Variants in B3GALT1 observed in about 807,000 individuals in gnomAD.
B3GALT1 encodes beta-1,3-galactosyltransferase 1.
A neutral mutation model predicts 23.2 loss-of-function variants in B3GALT1; 10 were observed. That is an observed-to-expected ratio of 0.43 (90% CI 0.27 to 0.73). The LOEUF (loss-of-function observed/expected upper bound fraction) is 0.73. Among genes scored for constraint, B3GALT1 ranks in the 30% least tolerant of loss-of-function variants. B3GALT1 has a pLI of 0.21. For synonymous variants in B3GALT1, 156 were observed against 141.5 expected (o/e 1.10, Z -0.73); for missense variants, 299 against 405.4 (o/e 0.74, Z 2.25).
At chr2:167,637,363 T>A (rs77415949) in intron 2 of B3GALT1, among the ~76,000 whole-genome samples, 2 of 151,736 alleles carry the variant, frequency 1.3e-5, no homozygotes, top group Non-Finnish European at 2.9e-5. Flanking sequence ...CCTCTACCTG[T>A]TTTTTTTGTT....
intron 3 of B3GALT1, among the ~76,000 whole-genome samples, chr2:167,726,277 C>T (rs1034471470): frequency 8.5e-5 from 13 of 152,128 alleles, no homozygotes; most frequent in African/African-American, 2.9e-4. Context: ...TTTTCAAGCC[C>T]AGAGGCCTTA....
intron 2 of B3GALT1, among the ~76,000 whole-genome samples, chr2:167,559,334 G>A (rs1218096983): frequency 6.6e-6 from 1 of 152,066 alleles, no homozygotes; most frequent in African/African-American, 2.4e-5. Flanking sequence ...ACCAAAAGTA[G>A]ATAAAACCAC....
chr2:167,329,810 T>A (rs1247162017), intron 1 of B3GALT1, among the ~76,000 whole-genome samples: 1 of 11,278 alleles, frequency 8.9e-5, no homozygotes, highest in Non-Finnish European at 1.0e-3. Flanking sequence ...AGTTTTTGTT[T>A]TGTTTTTTTT....
chr2:167,568,651 G>A (rs1158224094), intron 2 of B3GALT1, among the ~76,000 whole-genome samples: 1 of 151,884 alleles, frequency 6.6e-6, no homozygotes, highest in Admixed American at 6.6e-5. Flanking sequence ...TGCATCTTCT[G>A]CAAATATTTT....
intron 1 of B3GALT1, among the ~76,000 whole-genome samples, chr2:167,378,983 AT>A (rs1160346885): frequency 3.9e-5 from 6 of 152,152 alleles, no homozygotes; most frequent in Non-Finnish European, 8.8e-5. Flanking sequence ...TGTAGACAGG[AT>A]TTTTTTCTTT....
intron 3 of B3GALT1, among the ~76,000 whole-genome samples, chr2:167,804,683 T>C (rs1252007898): frequency 6.6e-6 from 1 of 152,216 alleles, no homozygotes; most frequent in African/African-American, 2.4e-5. Flanking sequence ...TGCATACTAT[T>C]CCATGGTGTA....
rs1387776634 is a variant in B3GALT1 at position 167,428,632 on chromosome 2, C to T, written c.-510-61545C>T. On this transcript the variant is annotated intron_variant, in intron 1 of 4. Transcript: ENST00000392690. Reference sequence around the variant, plus strand: ...GGAGGAGGTTGCAGTGAGCTGAGATCGCCCCACTACACTCTAGCCTGGGTG... The same window carrying T: ...GGAGGAGGTTGCAGTGAGCTGAGATTGCCCCACTACACTCTAGCCTGGGTG... 3.3e-5 allele frequency among the ~76,000 whole-genome samples: 5 copies of T among 151,766 alleles called. No homozygotes were observed. The East Asian group carries it at 7.8e-4, about 24-fold the overall frequency.
chr2:167,668,630 A>C (rs1299454960), intron 3 of B3GALT1, among the ~76,000 whole-genome samples: 2 of 152,306 alleles, frequency 1.3e-5, no homozygotes, highest in African/African-American at 4.8e-5. Context: ...CCTCCAAGCC[A>C]TGTGGGGGAT....
At chr2:167,848,852 C>CTCCTCCAGAA (rs1476633480) in intron 4 of B3GALT1, among the ~76,000 whole-genome samples, 1 of 152,182 alleles carries the variant, frequency 6.6e-6, no homozygotes, top group African/African-American at 2.4e-5. Context: ...ACCCTAACGA[C>CTCCTCCAGAA]TCCTCCAGAA....
intron 3 of B3GALT1, among the ~76,000 whole-genome samples, chr2:167,672,325 A>G (rs779849955): frequency 1.3e-5 from 2 of 152,158 alleles, no homozygotes; most frequent in African/African-American, 2.4e-5. Context: ...TCAATTTACT[A>G]AAAACATTTC....
intron 1 of B3GALT1, among the ~76,000 whole-genome samples, chr2:167,410,485 C>A: frequency 2.3e-5 from 1 of 43,000 alleles, no homozygotes; most frequent in African/African-American, 6.6e-5. Context: ...AGCGAGACTC[C>A]ATCTCAAAAA....
At chr2:167,764,602 G>A (rs908012544) in intron 3 of B3GALT1, among the ~76,000 whole-genome samples, 2 of 152,128 alleles carry the variant, frequency 1.3e-5, no homozygotes, top group Non-Finnish European at 2.9e-5. Context: ...CACATTTTGA[G>A]AGTTTAATAA....
chr2:167,513,752 C>T (rs543751067), intron 2 of B3GALT1, among the ~76,000 whole-genome samples: 4 of 151,416 alleles, frequency 2.6e-5, no homozygotes, highest in African/African-American at 9.7e-5. Flanking sequence ...TTGAAAACAC[C>T]CATCATAAAA....
intron 1 of B3GALT1, among the ~76,000 whole-genome samples, chr2:167,405,445 T>C (rs1377374532): frequency 1.3e-5 from 2 of 152,144 alleles, no homozygotes; most frequent in African/African-American, 2.4e-5. Context: ...ATTCTTCTTA[T>C]AGAAATCTTT....
intron 1 of B3GALT1, among the ~76,000 whole-genome samples, chr2:167,331,906 C>A (rs571435106): frequency 6.6e-6 from 1 of 152,150 alleles, no homozygotes; most frequent in South Asian, 2.1e-4. Context: ...TCTGCAGTTG[C>A]GGTGGTTGTA....
intron 1 of B3GALT1, among the ~76,000 whole-genome samples, chr2:167,485,689 A>G (rs560142570): frequency 9.8e-5 from 15 of 152,308 alleles, no homozygotes; most frequent in Non-Finnish European, 1.9e-4. Flanking sequence ...AGCTAAATAT[A>G]TGCTTTTGAA....
chr2:167,726,865 A>C (rs1574233198), intron 3 of B3GALT1, among the ~76,000 whole-genome samples: 1 of 152,352 alleles, frequency 6.6e-6, no homozygotes, highest in Non-Finnish European at 1.5e-5. Context: ...AACATTTGGC[A>C]TCTGGCCTTT....
At chr2:167,713,827 T>C (rs546009677) in intron 3 of B3GALT1, 2 of 1,592,836 alleles carry the variant, frequency 1.3e-6, no homozygotes, top group Admixed American at 1.7e-5. Flanking sequence ...TCATTGCAAA[T>C]GGAGCATGTG....
At chr2:167,393,644 C>T (rs1165015349) in intron 1 of B3GALT1, among the ~76,000 whole-genome samples, 1 of 151,294 alleles carries the variant, frequency 6.6e-6, no homozygotes, top group Non-Finnish European at 1.5e-5. Flanking sequence ...AGGGTTTATT[C>T]TCAGTAAAGA....
Sources: allele counts gnomAD v4.1 joint callset (sites outside exome capture counted in the v4.1 genomes callset), GRCh38; gene constraint gnomAD v4.1.1; transcripts MANE v1.5; gene names NCBI Gene and HGNC (gene_info 2026-07-23, HGNC 2026-07-21).